Variants in ZNF555 observed in about 807,000 individuals in gnomAD.
ZNF555 encodes zinc finger protein 555.
Under a neutral mutation model 14.0 loss-of-function variants are expected in ZNF555, and 10 were observed. That is an observed-to-expected ratio of 0.72 (90% CI 0.44 to 1.21). The LOEUF (loss-of-function observed/expected upper bound fraction) is 1.21, where lower values mean the gene tolerates loss of function less well. Among genes scored for constraint, ZNF555 ranks in the 50% most tolerant of loss-of-function variants. The pLI is 0.00. For missense variants in ZNF555, 747 were observed against 762.0 expected (o/e 0.98, Z 0.23); for synonymous variants, 277 against 262.4 (o/e 1.06, Z -0.54).
At chr19:2,841,710 C>T in intron 1 of ZNF555, 135 bp downstream of exon 1, 2 of 1,097,406 alleles carry the variant, frequency 1.8e-6, no homozygotes. Context: ...AGCCTGGGCC[C>T]CGGGGGTCCC....
intron 1 of ZNF555, among the ~76,000 whole-genome samples, chr19:2,842,274 C>G (rs558267193): frequency 6.6e-6 from 1 of 152,310 alleles, no homozygotes; most frequent in South Asian, 2.1e-4. Context: ...CCCTCTGACC[C>G]CAAGATGCCT....
chr19:2,853,759 A>G lies in ZNF555; in HGVS notation c.1694A>G (p.Gln565Arg). 1 of 1,605,102 alleles carries G rather than the reference A, an allele frequency of 6.2e-7. No homozygotes were observed. The highest frequency in any genetic ancestry group is 8.5e-7 in the Non-Finnish European group (1 of 1,175,418). Residue 565 changes from glutamine to arginine, a missense_variant, in exon 4 of 4, where the codon CAA becomes CGA. By Grantham distance (43) the Gln-to-Arg change is conservative. Coordinates refer to ENST00000334241, the MANE Select transcript of ZNF555 (RefSeq NM_152791.5). ...MRLHTGEKPY[Q>R]CKHCGKAFNC... ...CTGCACACTGGAGAGAAACCTTATCAATGTAAGCATTGTGGGAAAGCATTC... is the reference window on the plus strand; with the variant it reads ...CTGCACACTGGAGAGAAACCTTATCGATGTAAGCATTGTGGGAAAGCATTC...
Position 2,852,806 on chromosome 19 carries a change from C to T in ZNF555, c.741C>T (p.Leu247=). The T allele has an allele frequency of 6.2e-7, 1 of 1,614,086 alleles. No individual in the cohort carries two copies. The highest frequency in any genetic ancestry group is 8.5e-7 in the Non-Finnish European group (1 of 1,179,996). Residue 247 remains leucine (L), a synonymous_variant, in exon 4 of 4, where the codon CTC becomes CTT. Transcript: ENST00000334241. ...FIDFSSLTSH[L]RSHTGEKPYK... is the part of the protein sequence containing the mutation. The stretch of plus-strand genomic sequence containing the variant: ...ACTTCTCAAGTCTTACTAGTCATCT[C>T]AGAAGTCACACCGGAGAGAAGCCAT...
intron 1 of ZNF555, among the ~76,000 whole-genome samples, chr19:2,844,224 T>C (rs1399338851): frequency 6.6e-6 from 1 of 151,660 alleles, no homozygotes; most frequent in Non-Finnish European, 1.5e-5. Context: ...TGCCTCAGCC[T>C]CCTGAGTAGC....
At chr19:2,848,975 G>A (rs1400601932) in intron 1 of ZNF555, among the ~76,000 whole-genome samples, 3 of 152,238 alleles carry the variant, frequency 2.0e-5, no homozygotes, top group African/African-American at 2.4e-5. Flanking sequence ...TCTAAGGCCC[G>A]CAATGTTAAC....
chr19:2,852,269 T>TG, intron 3 of ZNF555, 111 bp from the exon 4 acceptor site: 3 of 1,300,502 alleles, frequency 2.3e-6, no homozygotes, highest in Non-Finnish European at 3.2e-6. Flanking sequence ...ACAGTTCCCA[T>TG]GGGGTGAAAA....
chr19:2,852,998 A>T lies in ZNF555; in HGVS notation c.933A>T (p.Pro311=). Residue 311 remains proline (P), a synonymous_variant, in exon 4 of 4, where the codon CCA becomes CCT. Coordinates refer to ENST00000334241, the MANE Select transcript of ZNF555 (RefSeq NM_152791.5). Reference sequence around the variant, plus strand: ...TGATTTCACACACTGGAGAGAAGCCACATAAATGTAAAGAATGTGGGGAGG... The same window carrying T: ...TGATTTCACACACTGGAGAGAAGCCTCATAAATGTAAAGAATGTGGGGAGG... ...RHMISHTGEK[P]HKCKECGEAF... The T allele has an allele frequency of 6.2e-7, 1 of 1,613,856 alleles. No homozygotes were observed. The highest frequency in any genetic ancestry group is 8.5e-7 in the Non-Finnish European group (1 of 1,179,948).
chr19:2,843,769 TA>T (rs1265408581), intron 1 of ZNF555, among the ~76,000 whole-genome samples: 3 of 152,212 alleles, frequency 2.0e-5, no homozygotes, highest in African/African-American at 2.4e-5. Context: ...CCCAGCTCCT[TA>T]TATTAAAGTG....
At position 2,841,527 on chromosome 19, in the gene ZNF555, C is replaced by G; in HGVS notation, c.-46C>G. The G allele has an allele frequency of 6.5e-7, 1 of 1,545,480 alleles. No individual in the cohort carries two copies. The highest frequency in any genetic ancestry group is 2.0e-5 in the Admixed American group (1 of 50,796). ...CCTAGCGGTCCCTGGCGTCCCGGTT[C>G]CTGTCGCGCTCACCTGCGCCGGTAG... On this transcript the variant is annotated 5_prime_UTR_variant, in exon 1 of 4. Coordinates refer to ENST00000334241, the MANE Select transcript of ZNF555 (RefSeq NM_152791.5).
In ZNF555 at chr19:2,859,791, A is replaced by G. The variant is rs1474251678; in HGVS notation, c.*5839A>G. The G allele has an allele frequency of 6.6e-6, 1 of 152,218 alleles. No individual in the cohort carries two copies. The highest frequency in any genetic ancestry group is 1.5e-5 in the Non-Finnish European group (1 of 68,036). The allele number at this position is 152,218 out of a possible 1,614,324, so 9.4% of individuals were successfully genotyped here. On this transcript the variant is annotated 3_prime_UTR_variant, in exon 4 of 4. Coordinates refer to ENST00000334241, the MANE Select transcript of ZNF555 (RefSeq NM_152791.5). The stretch of plus-strand genomic sequence containing the variant: ...GGGGGATCTCCTCCTTCCACAAGGG[A>G]TGGATGTGAAGACAACTCATTCTTT...
chr19:2,842,025 C>T (rs1346950264), intron 1 of ZNF555, among the ~76,000 whole-genome samples: 1 of 152,038 alleles, frequency 6.6e-6, no homozygotes, highest in Non-Finnish European at 1.5e-5. Context: ...GCCGCGGTGC[C>T]TCCTGGGGTG....
rs2087682205 is a variant in ZNF555 at position 2,856,227 on chromosome 19, CAG to C, written c.*2278_*2279del. The C allele has an allele frequency of 1.4e-5, 2 of 144,678 alleles. No homozygotes were observed. Among genetic ancestry groups the C allele is most frequent in the African/African-American group, 5.2e-5 (2 of 38,686 alleles). The allele number at this position is 144,678 out of a possible 1,614,324, so 9.0% of individuals were successfully genotyped here. On this transcript the variant is annotated 3_prime_UTR_variant, in exon 4 of 4. Transcript: ENST00000334241. Reference sequence around the variant, plus strand: ...TTAAAATGATTTTTTTTTTTTGAGACAGAGTCTCGCTCTGTCACCCAGGCTGG... The same window carrying C: ...TTAAAATGATTTTTTTTTTTTGAGACAGTCTCGCTCTGTCACCCAGGCTGG...
chr19:2,852,253 T>C (rs2087636417), intron 3 of ZNF555, 127 bp from the exon 4 acceptor site: 2 of 1,134,644 alleles, frequency 1.8e-6, no homozygotes, highest in Non-Finnish European at 2.5e-6. Flanking sequence ...TTTATTTCAT[T>C]TTCAGACAGT....
At position 2,853,095 on chromosome 19, in the gene ZNF555, C is replaced by G. The variant is rs1329077179; in HGVS notation, c.1030C>G (p.Gln344Glu). 1 of 1,614,064 alleles carries G rather than the reference C, an allele frequency of 6.2e-7. No homozygotes were observed. The highest frequency in any genetic ancestry group is 8.5e-7 in the Non-Finnish European group (1 of 1,180,006). The change falls in exon 4 of 4, where the codon CAA becomes GAA. Residue 344 changes from glutamine to glutamate, a missense_variant. By Grantham distance (29) the Gln-to-Glu change is conservative. Transcript: ENST00000334241. ...HTGEKPYECK[Q>E]CGKTFIYLQS... is the part of the protein sequence containing the mutation. ...TGGAGAGAAACCCTACGAATGCAAACAATGTGGGAAAACCTTCATTTATCT... is the reference window on the plus strand; with the variant it reads ...TGGAGAGAAACCCTACGAATGCAAAGAATGTGGGAAAACCTTCATTTATCT...
rs957496127 is a variant in ZNF555 at position 2,857,548 on chromosome 19, T to C, written c.*3596T>C. 3.3e-5 allele frequency: 5 copies of C among 152,220 alleles called. No individual in the cohort carries two copies. The highest frequency in any genetic ancestry group is 7.3e-5 in the Non-Finnish European group (5 of 68,036). 9.4% of individuals were successfully genotyped at this position (152,220 alleles called of 1,614,324 possible). On this transcript the variant is annotated 3_prime_UTR_variant, in exon 4 of 4. Coordinates refer to ENST00000334241, the MANE Select transcript of ZNF555 (RefSeq NM_152791.5). ...TAGAAGTAGGGGATTTGAGTACATA[T>C]GGGCTTAAGAGTGTTCTGTCATGAT...
In ZNF555 at chr19:2,856,516, C is replaced by T. The variant is rs1283742119; in HGVS notation, c.*2564C>T. ...CACCACACCCGGCCTAAAATGATTT[C>T]TTATTTGTGGTTAATAACAATTAAA... On this transcript the variant is annotated 3_prime_UTR_variant, in exon 4 of 4. Coordinates refer to ENST00000334241, the MANE Select transcript of ZNF555 (RefSeq NM_152791.5). 1 of 152,120 alleles carries T rather than the reference C, an allele frequency of 6.6e-6. No homozygotes were observed. Among genetic ancestry groups the T allele is most frequent in the African/African-American group, 2.4e-5 (1 of 41,428 alleles). 9.4% of individuals were successfully genotyped at this position (152,120 alleles called of 1,614,324 possible).
chr19:2,848,439 A>C (rs1352423337), intron 1 of ZNF555, among the ~76,000 whole-genome samples: 1 of 151,192 alleles, frequency 6.6e-6, no homozygotes, highest in African/African-American at 2.4e-5. Context: ...GGCGTGAGCC[A>C]CCGCACCCAG....
chr19:2,843,140 C>T (rs2087552768), intron 1 of ZNF555, among the ~76,000 whole-genome samples: 2 of 151,304 alleles, frequency 1.3e-5, no homozygotes, highest in Admixed American at 6.6e-5. Context: ...GAGTGTGTGT[C>T]GTTTCTCAGA....
Position 2,853,290 on chromosome 19 carries a change from T to G in ZNF555, c.1225T>G (p.Ser409Ala), listed in dbSNP as rs999956141. The G allele has an allele frequency of 1.2e-6, 2 of 1,613,408 alleles. No homozygotes were observed. The highest frequency in any genetic ancestry group is 1.7e-6 in the Non-Finnish European group (2 of 1,179,814). The change falls in exon 4 of 4, where the codon TCC becomes GCC. Residue 409 changes from serine (S) to alanine (A), a missense_variant. Ser to Ala is a moderately conservative substitution (Grantham distance 99). Transcript: ENST00000334241. ...GTGCGGGAAAGCATTCAGTCACCCC[T>G]CCTCCTTTCGAGGACACATGAGGGT... ...NQCGKAFSHP[S>A]SFRGHMRVHT...
Sources: allele counts gnomAD v4.1 joint callset (sites outside exome capture counted in the v4.1 genomes callset), GRCh38; gene constraint gnomAD v4.1.1; transcripts MANE v1.5; gene names NCBI Gene and HGNC (gene_info 2026-07-23, HGNC 2026-07-21).